The following TRABD2B variants were observed in gnomAD, a reference collection of about 807,000 sequenced individuals.
The protein encoded by TRABD2B is metalloprotease TIKI2.
Under a neutral mutation model 40.1 loss-of-function variants are expected in TRABD2B, and 14 were observed. The ratio of observed to expected loss-of-function variants is 0.35; its 90% CI spans 0.23 to 0.55. TRABD2B has a LOEUF of 0.55. Ranked by LOEUF, TRABD2B falls within the 20% of genes least tolerant of loss-of-function variation. TRABD2B has a pLI of 0.90. For synonymous variants in TRABD2B, 263 were observed against 277.0 expected (o/e 0.95, Z 0.50); for missense variants, 541 against 648.6 (o/e 0.83, Z 1.80).
At position 47,761,967 on chromosome 1, in the gene TRABD2B, C is replaced by T. The variant is rs1027840818; in HGVS notation, c.*3935G>A. 6.6e-6 allele frequency: 1 copy of T among 152,136 alleles called. No individual in the cohort carries two copies. Among genetic ancestry groups the T allele is most frequent in the Non-Finnish European group, 1.5e-5 (1 of 68,054 alleles). The allele number at this position is 152,136 out of a possible 1,614,324, so 9.4% of individuals were successfully genotyped here. ...GTACAAAAACAAATTTACATGACCC[C>T]TGCCATTAAGCTGCTCACAGTCCGA... On this transcript the variant is annotated 3_prime_UTR_variant, in exon 7 of 7. Coordinates refer to ENST00000606738, the MANE Select transcript of TRABD2B (RefSeq NM_001194986.2).
chr1:47,863,362 C>A (rs368725981), intron 2 of TRABD2B, among the ~76,000 whole-genome samples: 19 of 34,918 alleles, frequency 5.4e-4, no homozygotes, highest in Admixed American at 9.3e-4. Context: ...TGGATATATC[C>A]TATATAATTT....
intron 6 of TRABD2B, among the ~76,000 whole-genome samples, chr1:47,767,220 T>C (rs1325771122): frequency 6.6e-6 from 1 of 152,008 alleles, no homozygotes; most frequent in Non-Finnish European, 1.5e-5. Flanking sequence ...GCCATGCCTA[T>C]CCTCGAGGAA....
intron 2 of TRABD2B, among the ~76,000 whole-genome samples, chr1:47,936,427 G>A (rs1034665289): frequency 6.6e-6 from 1 of 152,178 alleles, no homozygotes; most frequent in Admixed American, 6.5e-5. Context: ...CAGCAGGTAT[G>A]AGGGCAAAGG....
chr1:47,779,133 G>A (rs938840080), intron 4 of TRABD2B, among the ~76,000 whole-genome samples: 9 of 152,216 alleles, frequency 5.9e-5, no homozygotes, highest in African/African-American at 2.2e-4. Flanking sequence ...CATCTCCACT[G>A]CCCTGCACAG....
chr1:47,825,659 A>G (rs1645164598), intron 2 of TRABD2B, among the ~76,000 whole-genome samples: 1 of 152,300 alleles, frequency 6.6e-6, no homozygotes, highest in South Asian at 2.1e-4. Context: ...AAAGGCCCTC[A>G]CTTCAAGAAT....
chr1:47,801,741 G>T, intron 2 of TRABD2B, 122 bp from the exon 3 acceptor site: 2 of 1,170,338 alleles, frequency 1.7e-6, no homozygotes, highest in Non-Finnish European at 1.2e-6. Context: ...GGTGTGTGGG[G>T]CTGGCACCAG....
At chr1:47,971,500 C>T (rs1325074831) in intron 2 of TRABD2B, among the ~76,000 whole-genome samples, 4 of 152,178 alleles carry the variant, frequency 2.6e-5, no homozygotes, top group Non-Finnish European at 5.9e-5. Flanking sequence ...AAGGCCCAAC[C>T]AATCAATGAG....
chr1:47,857,525 C>A (rs1316222538), intron 2 of TRABD2B, among the ~76,000 whole-genome samples: 1 of 152,174 alleles, frequency 6.6e-6, no homozygotes, highest in Non-Finnish European at 1.5e-5. Flanking sequence ...CTTCTCAGTA[C>A]CTACCTCTGG....
Position 47,996,793 on chromosome 1 carries a change from G to C in TRABD2B, c.-4C>G. 1 of 1,196,880 alleles carries C rather than the reference G, an allele frequency of 8.4e-7. No homozygotes were observed. The highest frequency in any genetic ancestry group is 3.5e-5 in the East Asian group (1 of 28,288). 74.1% of individuals were successfully genotyped at this position (1,196,880 alleles called of 1,614,324 possible). On this transcript the variant is annotated 5_prime_UTR_variant, in exon 1 of 7. Transcript: ENST00000606738. The surrounding 1 kb of genome is among the most constrained non-coding windows in gnomAD (Gnocchi z 4.6). ...GCCCCGCCAGGGCGGCGTGCATCCT[G>C]CCAGGGCCCGCGGGGCGCGGGGGAC... is the stretch of plus-strand genomic sequence containing the variant.
At chr1:47,787,514 C>T (rs1644612468) in intron 4 of TRABD2B, among the ~76,000 whole-genome samples, 1 of 152,172 alleles carries the variant, frequency 6.6e-6, no homozygotes, top group Non-Finnish European at 1.5e-5. Flanking sequence ...GCCTCCCCTC[C>T]CTACAAATGC....
chr1:47,895,901 C>A (rs1048906791), intron 2 of TRABD2B, among the ~76,000 whole-genome samples: 2 of 152,222 alleles, frequency 1.3e-5, no homozygotes, highest in Non-Finnish European at 2.9e-5. Flanking sequence ...CCCAGGCCTG[C>A]GCATATTCTC....
chr1:47,786,553 T>C (rs1312108946), intron 4 of TRABD2B, among the ~76,000 whole-genome samples: 1 of 152,244 alleles, frequency 6.6e-6, no homozygotes, highest in Non-Finnish European at 1.5e-5. Context: ...AGTTGCCAGA[T>C]GCATGCGTGG....
Position 47,994,516 on chromosome 1 carries a change from T to C in TRABD2B, c.184A>G (p.Thr62Ala), listed in dbSNP as rs1306447881. The C allele has an allele frequency of 2.6e-6, 4 of 1,535,766 alleles. No individual in the cohort carries two copies. The highest frequency in any genetic ancestry group is 2.4e-5 in the East Asian group (1 of 40,904). ...TCCGGGATGAAGTCCCAGACGCGGG[T>C]GTAGGGGACGTGAATAGTGCCAAAC... ...YLFGTIHVPY[T>A]RVWDFIPDNS... Residue 62 changes from threonine to alanine, a missense_variant, in exon 2 of 7, where the codon ACC becomes GCC. Thr to Ala is a moderately conservative substitution (Grantham distance 58). This residue lies in a region of TRABD2B where 369 missense variants were observed against 492.8 expected (regional missense o/e 0.75). Coordinates refer to ENST00000606738, the MANE Select transcript of TRABD2B (RefSeq NM_001194986.2). This position sits in a 1 kb window ranked among gnomAD's most constrained non-coding sequence, Gnocchi z 6.7.
chr1:47,831,305 A>G (rs964155905), intron 2 of TRABD2B, among the ~76,000 whole-genome samples: 1 of 152,170 alleles, frequency 6.6e-6, no homozygotes, highest in Non-Finnish European at 1.5e-5. Flanking sequence ...GGAAAAATGC[A>G]AGACTGCATG....
At chr1:47,806,373 T>C (rs1165428553) in intron 2 of TRABD2B, among the ~76,000 whole-genome samples, 3 of 152,206 alleles carry the variant, frequency 2.0e-5, no homozygotes, top group African/African-American at 7.2e-5. Flanking sequence ...TGCCTCTCTT[T>C]CACTCACCCT....
At chr1:47,771,176 C>T (rs1333766587) in intron 6 of TRABD2B, among the ~76,000 whole-genome samples, 1 of 152,146 alleles carries the variant, frequency 6.6e-6, no homozygotes, top group Non-Finnish European at 1.5e-5. Context: ...ACTGGCTGTG[C>T]TATGGGGAAC....
At chr1:47,835,977 A>G (rs1480787118) in intron 2 of TRABD2B, among the ~76,000 whole-genome samples, 1 of 152,232 alleles carries the variant, frequency 6.6e-6, no homozygotes, top group Non-Finnish European at 1.5e-5. Flanking sequence ...GCAGTTATAA[A>G]TCTATACTGA....
chr1:47,816,805 C>T (rs1645038572), intron 2 of TRABD2B, among the ~76,000 whole-genome samples: 1 of 152,202 alleles, frequency 6.6e-6, no homozygotes, highest in South Asian at 2.1e-4. Flanking sequence ...TCATTCAAAT[C>T]CTGCCAACTC....
At chr1:47,932,557 G>A (rs1440637054) in intron 2 of TRABD2B, among the ~76,000 whole-genome samples, 1 of 152,188 alleles carries the variant, frequency 6.6e-6, no homozygotes, top group Non-Finnish European at 1.5e-5. Context: ...GAGTGATCAG[G>A]AGAGAGTGAG....
Sources: allele counts gnomAD v4.1 joint callset (sites outside exome capture counted in the v4.1 genomes callset), GRCh38; gene constraint gnomAD v4.1.1; regional missense constraint gnomAD v4.1.1; non-coding constraint Gnocchi (gnomAD v3.1); transcripts MANE v1.5; gene names NCBI Gene and HGNC (gene_info 2026-07-23, HGNC 2026-07-21).